The following CDH13 variants were observed in gnomAD, a reference collection of about 807,000 sequenced individuals.
CDH13 encodes the protein cadherin-13.
Under a neutral mutation model 63.8 loss-of-function variants are expected in CDH13, and 24 were observed. That is an observed-to-expected ratio of 0.38 (90% confidence interval 0.27 to 0.53). CDH13 has a LOEUF of 0.53. Among genes scored for constraint, CDH13 ranks in the 20% least tolerant of loss-of-function variants. The probability of loss-of-function intolerance (pLI) is 0.85; values close to 1 mark genes in which losing one functional copy is unlikely to be tolerated. For missense variants in CDH13, 1,049 were observed against 903.1 expected (o/e 1.16, Z -2.07); for synonymous variants, 503 against 355.3 (o/e 1.42, Z -4.67).
intron 6 of CDH13, among the ~76,000 whole-genome samples, chr16:83,363,182 G>C (rs377715525): frequency 2.0e-4 from 31 of 152,304 alleles, no homozygotes; most frequent in African/African-American, 7.5e-4. Context: ...AATCAGCACA[G>C]CTTAAACATC....
In CDH13 at chr16:83,453,061, G is replaced by T. The variant is rs115605232; in HGVS notation, c.782-33416G>T. On this transcript the variant is annotated intron_variant, in intron 6 of 13. Transcript: ENST00000567109. ...AGCCCTAAAAAGGAATGAATTGATG[G>T]CATTCACAGCCACCTGGATGGGATT... Among the ~76,000 whole-genome samples, 1,260 of 152,302 alleles carry T rather than the reference G, an allele frequency of 8.3e-3. 21 individuals carry two copies. The highest frequency in any genetic ancestry group is 0.029 in the African/African-American group (1,195 of 41,564).
At chr16:82,820,786 C>T (rs1597701995) in intron 1 of CDH13, among the ~76,000 whole-genome samples, 1 of 152,118 alleles carries the variant, frequency 6.6e-6, no homozygotes. Flanking sequence ...ACATTTATGT[C>T]CTGGATTTCC....
chr16:83,382,778 C>T (rs1027284898), intron 6 of CDH13, among the ~76,000 whole-genome samples: 8 of 152,196 alleles, frequency 5.3e-5, no homozygotes, highest in African/African-American at 1.7e-4. Flanking sequence ...TCATATCTGG[C>T]CCAGGATTCC....
chr16:82,817,169 C>T (rs2037759715), intron 1 of CDH13, among the ~76,000 whole-genome samples: 1 of 150,954 alleles, frequency 6.6e-6, no homozygotes, highest in Non-Finnish European at 1.5e-5. Context: ...TATCACTCTT[C>T]GCCCCCCACT....
At chr16:82,778,776 C>G (rs187957358) in intron 1 of CDH13, among the ~76,000 whole-genome samples, 12 of 152,178 alleles carry the variant, frequency 7.9e-5, no homozygotes, top group African/African-American at 2.9e-4. Context: ...ACTAGGAACC[C>G]CTATTTAATC....
At chr16:83,704,323 A>G (rs1429317335) in intron 10 of CDH13, among the ~76,000 whole-genome samples, 1 of 152,212 alleles carries the variant, frequency 6.6e-6, no homozygotes, top group African/African-American at 2.4e-5. Flanking sequence ...AAGATACAAT[A>G]AAATGCACTC....
chr16:83,597,483 G>T (rs1031222653), intron 7 of CDH13, among the ~76,000 whole-genome samples: 4 of 152,204 alleles, frequency 2.6e-5, no homozygotes, highest in Non-Finnish European at 5.9e-5. Flanking sequence ...ACCTCCGTGT[G>T]TGTCCACTTG....
chr16:83,270,062 C>G (rs1312288520), intron 5 of CDH13, among the ~76,000 whole-genome samples: 2 of 152,246 alleles, frequency 1.3e-5, no homozygotes, highest in African/African-American at 4.8e-5. Context: ...TAACTGGTTT[C>G]TCTTTGGAAA....
intron 7 of CDH13, among the ~76,000 whole-genome samples, chr16:83,498,450 T>G (rs954006341): frequency 2.0e-5 from 3 of 152,204 alleles, no homozygotes; most frequent in Admixed American, 6.5e-5. Flanking sequence ...TCATTGCCCT[T>G]TCTGTCATTC....
At position 83,394,753 on chromosome 16, in the gene CDH13, A is replaced by C. The variant is rs1354091338; in HGVS notation, c.781+49747A>C. On this transcript the variant is annotated intron_variant, in intron 6 of 13. Transcript: ENST00000567109. ...CAGTTACATAGGTGGATTGAGCCAG[A>C]CTGGTAGCAATGGAGGGATGAGAAA... 3.3e-5 allele frequency among the ~76,000 whole-genome samples: 5 copies of C among 152,274 alleles called. No homozygotes were observed. In the East Asian group the frequency reaches 5.8e-4, roughly 18 times the overall value.
At chr16:83,184,464 G>C (rs1471972658) in intron 4 of CDH13, among the ~76,000 whole-genome samples, 1 of 152,098 alleles carries the variant, frequency 6.6e-6, no homozygotes, top group Non-Finnish European at 1.5e-5. Context: ...ACGTAGATGT[G>C]AGGCCAGGGG....
Position 83,032,014 on chromosome 16 carries a change from C to T in CDH13, c.162C>T (p.Thr54=), listed in dbSNP as rs1187129682. ...GTTGTTTCGTTTGTTTCCCAGTGAC[C>T]TTCAGTGACTGTAAGGGAAACGACA... is the stretch of plus-strand genomic sequence containing the variant. ...FIEDQSILNL[T]FSDCKGNDKL... is the part of the protein sequence containing the mutation. The change falls in exon 3 of 14, where the codon ACC becomes ACT. Residue 54 remains threonine, a synonymous_variant. Transcript: ENST00000567109. The T allele has an allele frequency of 2.5e-5, 39 of 1,585,328 alleles. No individual in the cohort carries two copies. The highest frequency in any genetic ancestry group is 6.7e-5 in the African/African-American group (5 of 74,420).
intron 5 of CDH13, among the ~76,000 whole-genome samples, chr16:83,292,833 C>G (rs1381527415): frequency 6.6e-6 from 1 of 152,132 alleles, no homozygotes; most frequent in Non-Finnish European, 1.5e-5. Flanking sequence ...TCTCTTTACA[C>G]TTGCATGGCA....
At chr16:83,062,347 T>G (rs573899761) in intron 3 of CDH13, among the ~76,000 whole-genome samples, 42 of 152,326 alleles carry the variant, frequency 2.8e-4, no homozygotes, top group African/African-American at 9.6e-4. Flanking sequence ...TTTTTTTGTT[T>G]TTTGTCCATC....
Position 82,987,563 on chromosome 16 carries a change from G to T in CDH13, c.158-44447G>T, listed in dbSNP as rs117505407. Among the ~76,000 whole-genome samples the T allele has an allele frequency of 4.0e-3, 603 of 152,222 alleles. 3 individuals carry two copies. The highest frequency in any genetic ancestry group is 0.024 in the Middle Eastern group (7 of 294). On this transcript the variant is annotated intron_variant, in intron 2 of 13. Coordinates refer to ENST00000567109, the MANE Select transcript of CDH13 (RefSeq NM_001257.5). ...AGCTAATTTTTGGATTCTTAGTAGAGACTGAGTTTCACTATGTTGACCAGG... is the reference window on the plus strand; with the variant it reads ...AGCTAATTTTTGGATTCTTAGTAGATACTGAGTTTCACTATGTTGACCAGG...
intron 1 of CDH13, among the ~76,000 whole-genome samples, chr16:82,780,068 A>G (rs2035680625): frequency 6.6e-6 from 1 of 152,174 alleles, no homozygotes; most frequent in Non-Finnish European, 1.5e-5. Flanking sequence ...CAAAACAAGC[A>G]CAGCTGAAAT....
chr16:83,320,824 C>A (rs904043570), intron 5 of CDH13, among the ~76,000 whole-genome samples: 3 of 152,290 alleles, frequency 2.0e-5, no homozygotes, highest in African/African-American at 4.8e-5. Context: ...CCCATTAGAT[C>A]TCTGGCTTAG....
At chr16:83,290,762 G>A (rs1215408700) in intron 5 of CDH13, among the ~76,000 whole-genome samples, 3 of 152,062 alleles carry the variant, frequency 2.0e-5, no homozygotes, top group South Asian at 2.1e-4. Flanking sequence ...CAAGGCCCTC[G>A]TTGTGACTGT....
intron 8 of CDH13, among the ~76,000 whole-genome samples, chr16:83,660,797 A>T (rs1292216198): frequency 6.6e-6 from 1 of 152,262 alleles, no homozygotes; most frequent in Non-Finnish European, 1.5e-5. Flanking sequence ...TCTCCGAATT[A>T]AACTATTTTC....
Sources: allele counts gnomAD v4.1 joint callset (sites outside exome capture counted in the v4.1 genomes callset), GRCh38; gene constraint gnomAD v4.1.1; transcripts MANE v1.5; gene names NCBI Gene and HGNC (gene_info 2026-07-23, HGNC 2026-07-21).